NDFIP2: variants seen among roughly 807,000 people sequenced by gnomAD.
NDFIP2 encodes the protein NEDD4 family-interacting protein 2.
NDFIP2 carries 19 observed loss-of-function variants against 36.0 expected under a neutral mutation model. That is an observed-to-expected ratio of 0.53 (90% CI 0.37 to 0.77). The LOEUF is 0.77. NDFIP2 is among the 30% of genes least tolerant of loss of function. The pLI is 0.00. For synonymous variants in NDFIP2, 181 were observed against 167.7 expected (o/e 1.08, Z -0.61); for missense variants, 446 against 435.8 (o/e 1.02, Z -0.21).
At chr13:79,483,405 G>A (rs2079826757) in intron 1 of NDFIP2, among the ~76,000 whole-genome samples, 1 of 152,114 alleles carries the variant, frequency 6.6e-6, no homozygotes, top group African/African-American at 2.4e-5. Context: ...AGAAAAAGCT[G>A]AATTGACATT....
At chr13:79,485,705 C>G (rs1872953980) in intron 1 of NDFIP2, among the ~76,000 whole-genome samples, 1 of 152,146 alleles carries the variant, frequency 6.6e-6, no homozygotes, top group South Asian at 2.1e-4. Context: ...TGCTTGATTT[C>G]TCTGTTATAC....
Position 79,553,905 on chromosome 13 carries a change from C to T in NDFIP2, c.*1392C>T, listed in dbSNP as rs1224812143. ...TAAACTTAAAAATTATTTAATACAG[C>T]TATATGGACCTTATAAAATTGATTT... On this transcript the variant is annotated 3_prime_UTR_variant, in exon 8 of 8. Coordinates refer to ENST00000218652, the MANE Select transcript of NDFIP2 (RefSeq NM_019080.3). 3 of 151,874 alleles carry T rather than the reference C, an allele frequency of 2.0e-5. No homozygotes were observed. Among genetic ancestry groups the T allele is most frequent in the Non-Finnish European group, 4.4e-5 (3 of 67,564 alleles). The allele number at this position is 151,874 out of a possible 1,614,324, so 9.4% of individuals were successfully genotyped here. A position where few individuals can be genotyped will look rare whatever the true frequency, so the allele number is the denominator to read the frequency against.
intron 1 of NDFIP2, among the ~76,000 whole-genome samples, chr13:79,495,002 CTTAT>C (rs1395223093): frequency 6.0e-5 from 9 of 151,162 alleles, no homozygotes; most frequent in East Asian, 1.9e-4. Context: ...CTGTTTTTAC[CTTAT>C]TTATTTACTG....
intron 1 of NDFIP2, among the ~76,000 whole-genome samples, chr13:79,514,851 T>C (rs1276373970): frequency 6.6e-6 from 1 of 152,190 alleles, no homozygotes; most frequent in African/African-American, 2.4e-5. Context: ...AAGATACTCT[T>C]TCTGATTTGC....
intron 2 of NDFIP2, among the ~76,000 whole-genome samples, chr13:79,523,681 CTCT>C (rs1242195740): frequency 1.3e-5 from 2 of 152,206 alleles, no homozygotes; most frequent in Non-Finnish European, 1.5e-5. Flanking sequence ...GGAATACCCA[CTCT>C]TCTTCATGTG....
At chr13:79,487,391 G>A (rs911230258) in intron 1 of NDFIP2, among the ~76,000 whole-genome samples, 9 of 152,054 alleles carry the variant, frequency 5.9e-5, no homozygotes, top group South Asian at 4.1e-4. Flanking sequence ...CGTATAAATC[G>A]AATGAATACA....
chr13:79,537,765 A>G (rs573725528), intron 3 of NDFIP2, among the ~76,000 whole-genome samples: 5 of 152,288 alleles, frequency 3.3e-5, no homozygotes, highest in East Asian at 1.9e-4. Flanking sequence ...TAATTATGTG[A>G]TATTGAGCAG....
At chr13:79,549,941 C>T (rs1291067741) in intron 6 of NDFIP2, among the ~76,000 whole-genome samples, 2 of 151,746 alleles carry the variant, frequency 1.3e-5, no homozygotes, top group Admixed American at 1.3e-4. Context: ...TTCTGTCTTT[C>T]CTCTCCAATT....
At chr13:79,493,478 T>C (rs1350313332) in intron 1 of NDFIP2, among the ~76,000 whole-genome samples, 1 of 152,168 alleles carries the variant, frequency 6.6e-6, no homozygotes. Context: ...GTAACCATGG[T>C]TAGGTTATTT....
At chr13:79,541,835 G>A (rs1875467933) in intron 4 of NDFIP2, among the ~76,000 whole-genome samples, 1 of 151,986 alleles carries the variant, frequency 6.6e-6, no homozygotes, top group African/African-American at 2.4e-5. Flanking sequence ...ACCTTTTGGT[G>A]GCTTAATTCT....
At chr13:79,482,656 A>G (rs934549230) in intron 1 of NDFIP2, among the ~76,000 whole-genome samples, 2 of 152,238 alleles carry the variant, frequency 1.3e-5, no homozygotes, top group Non-Finnish European at 2.9e-5. Context: ...CTTTCTATTA[A>G]TAAGTACATT....
At chr13:79,490,100 C>G (rs1399483609) in intron 1 of NDFIP2, among the ~76,000 whole-genome samples, 1 of 152,084 alleles carries the variant, frequency 6.6e-6, no homozygotes, top group Non-Finnish European at 1.5e-5. Flanking sequence ...CAGGGTGATT[C>G]TAGCCTAGGA....
At chr13:79,518,119 G>T (rs893301980) in intron 1 of NDFIP2, among the ~76,000 whole-genome samples, 1 of 152,134 alleles carries the variant, frequency 6.6e-6, no homozygotes, top group Admixed American at 6.5e-5. Context: ...AATTCTCCTG[G>T]GTACCATGTA....
intron 1 of NDFIP2, among the ~76,000 whole-genome samples, chr13:79,504,410 C>G (rs1036233979): frequency 1.3e-5 from 2 of 152,000 alleles, no homozygotes; most frequent in African/African-American, 4.8e-5. Flanking sequence ...TTCTTTATAT[C>G]TAAATGTTTC....
intron 1 of NDFIP2, among the ~76,000 whole-genome samples, chr13:79,505,589 A>C (rs776018628): frequency 6.6e-6 from 1 of 151,948 alleles, no homozygotes; most frequent in African/African-American, 2.4e-5. Flanking sequence ...AGATTGTGCA[A>C]CTGCACTCCA....
chr13:79,515,917 G>GTTT (rs1874298686), intron 1 of NDFIP2, among the ~76,000 whole-genome samples: 1 of 72,374 alleles, frequency 1.4e-5, no homozygotes, highest in Non-Finnish European at 2.7e-5. Flanking sequence ...ATACTCTAAG[G>GTTT]TTTTTCTTTT....
intron 1 of NDFIP2, among the ~76,000 whole-genome samples, chr13:79,496,814 C>T (rs527880891): frequency 2.0e-5 from 3 of 151,958 alleles, no homozygotes; most frequent in Non-Finnish European, 4.4e-5. Flanking sequence ...CCATTGATCC[C>T]ATTAGTGAAT....
Position 79,555,847 on chromosome 13 carries a change from G to A in NDFIP2, c.*3334G>A, listed in dbSNP as rs953096144. 2 of 152,126 alleles carry A rather than the reference G, an allele frequency of 1.3e-5. No individual in the cohort carries two copies. Among genetic ancestry groups the A allele is most frequent in the African/African-American group, 4.8e-5 (2 of 41,446 alleles). The allele number at this position is 152,126 out of a possible 1,614,324, so 9.4% of individuals were successfully genotyped here. On this transcript the variant is annotated 3_prime_UTR_variant, in exon 8 of 8. Transcript: ENST00000218652. ...TTAATAAAGTTGTATAGATGTGGAA[G>A]TGTGAACCTGTGATGCATCCTTTTC...
intron 5 of NDFIP2, among the ~76,000 whole-genome samples, chr13:79,544,194 T>C (rs1875567394): frequency 6.6e-6 from 1 of 152,318 alleles, no homozygotes; most frequent in Non-Finnish European, 1.5e-5. Context: ...CTCACTGTTT[T>C]CTTTTGAAAA....
Sources: allele counts gnomAD v4.1 joint callset (sites outside exome capture counted in the v4.1 genomes callset), GRCh38; gene constraint gnomAD v4.1.1; transcripts MANE v1.5; gene names NCBI Gene and HGNC (gene_info 2026-07-23, HGNC 2026-07-21).